KIF1B: variants seen among roughly 807,000 people sequenced by gnomAD.
KIF1B encodes kinesin family member 1B.
A neutral mutation model predicts 241.9 loss-of-function variants in KIF1B; 76 were observed. The observed-to-expected ratio is 0.31, with a 90% CI of 0.26 to 0.38. The LOEUF (loss-of-function observed/expected upper bound fraction) is 0.38. Among genes scored for constraint, KIF1B ranks in the 10% least tolerant of loss-of-function variants. The probability of loss-of-function intolerance (pLI) is 1.00; values close to 1 mark genes in which losing one functional copy is unlikely to be tolerated. For missense variants in KIF1B, 1,622 were observed against 2,271.4 expected (o/e 0.71, Z 5.81); for synonymous variants, 750 against 796.7 (o/e 0.94, Z 0.99).
chr1:10,356,667 C>T (rs1002109853), intron 38 of KIF1B, among the ~76,000 whole-genome samples: 4 of 152,006 alleles, frequency 2.6e-5, no homozygotes, highest in East Asian at 1.9e-4. Flanking sequence ...TTTGGGAGAC[C>T]GAGGCGGGCG....
intron 1 of KIF1B, chr1:10,211,718 AT>A (rs1026020690): frequency 1.4e-5 from 2 of 146,556 alleles, no homozygotes; most frequent in Non-Finnish European, 1.5e-5. Context: ...TTTTTCCTTG[AT>A]TGCTAAATGA....
At chr1:10,329,504 G>T (rs1379346639) in intron 27 of KIF1B, among the ~76,000 whole-genome samples, 1 of 152,186 alleles carries the variant, frequency 6.6e-6, no homozygotes, top group Non-Finnish European at 1.5e-5. Flanking sequence ...GGAGGCCGAG[G>T]TGGGCAGATC....
chr1:10,324,659 T>C (rs1341977046), intron 25 of KIF1B, 99 bp from the exon 26 acceptor site: 2 of 1,446,590 alleles, frequency 1.4e-6, no homozygotes, highest in Admixed American at 3.5e-5. Context: ...ACTCCTTTTT[T>C]TTTTTTTGAA....
chr1:10,239,464 A>G (rs900627580), intron 2 of KIF1B, among the ~76,000 whole-genome samples: 1 of 151,960 alleles, frequency 6.6e-6, no homozygotes, highest in African/African-American at 2.4e-5. Flanking sequence ...AACTTTTGAA[A>G]TTTTGTAATA....
At chr1:10,295,847 T>A (rs1650237289) in intron 19 of KIF1B, 81 bp downstream of exon 19, 1 of 1,184,984 alleles carries the variant, frequency 8.4e-7, no homozygotes, top group African/African-American at 1.5e-5. Flanking sequence ...GTATTCTCTG[T>A]CTATCAGTAG....
intron 1 of KIF1B, among the ~76,000 whole-genome samples, chr1:10,225,661 G>C (rs1646900091): frequency 6.6e-6 from 1 of 152,202 alleles, no homozygotes; most frequent in Non-Finnish European, 1.5e-5. Flanking sequence ...AAAGGACACA[G>C]TGGGGAAAGG....
intron 1 of KIF1B, among the ~76,000 whole-genome samples, chr1:10,212,923 T>TATATATAC (rs1557638451): frequency 1.7e-5 from 2 of 119,676 alleles, no homozygotes. Context: ...TATATATATA[T>TATATATAC]ATATATATAC....
intron 15 of KIF1B, 119 bp downstream of exon 15, chr1:10,282,652 T>C (rs1468292502): frequency 1.2e-6 from 1 of 860,366 alleles, no homozygotes; most frequent in African/African-American, 1.7e-5. Context: ...CTCTTAGAAG[T>C]GTCCTGAAAA....
At chr1:10,266,686 G>A in intron 5 of KIF1B, among the ~76,000 whole-genome samples, 2 of 152,122 alleles carry the variant, frequency 1.3e-5, no homozygotes, top group East Asian at 3.8e-4. Context: ...CCGAGTTCTT[G>A]GAGTAACCTC....
intron 31 of KIF1B, among the ~76,000 whole-genome samples, chr1:10,339,467 GC>G (rs1250007138): frequency 6.6e-6 from 1 of 152,148 alleles, no homozygotes; most frequent in Non-Finnish European, 1.5e-5. Flanking sequence ...TTAGTAAAAA[GC>G]TTTTACAAAG....
chr1:10,340,831 G>A (rs1221174824), intron 32 of KIF1B, among the ~76,000 whole-genome samples: 1 of 152,176 alleles, frequency 6.6e-6, no homozygotes, highest in Non-Finnish European at 1.5e-5. Flanking sequence ...TGTTACAAGA[G>A]GCAGAGATAG....
At chr1:10,361,077 A>G (rs759459301) in intron 39 of KIF1B, 34 bp downstream of exon 39, 3 of 1,341,982 alleles carry the variant, frequency 2.2e-6, no homozygotes, top group Non-Finnish European at 1.1e-6. Flanking sequence ...TGATGCCAAC[A>G]GTCAGCCCTG....
chr1:10,304,099 T>C, intron 22 of KIF1B: 1 of 1,614,058 alleles, frequency 6.2e-7, no homozygotes, highest in Non-Finnish European at 8.5e-7. Flanking sequence ...CAGAAACTCT[T>C]GGAGTCCTGG....
intron 27 of KIF1B, among the ~76,000 whole-genome samples, chr1:10,329,731 C>G (rs1475722000): frequency 1.5e-5 from 2 of 132,716 alleles, no homozygotes; most frequent in Non-Finnish European, 3.3e-5. Flanking sequence ...AAGACTCTGT[C>G]TAGGGGGAAA....
At position 10,378,098 on chromosome 1, in the gene KIF1B, C is replaced by T. The variant is rs1638934100; in HGVS notation, c.*1511C>T. 5 of 463,614 alleles carry T rather than the reference C, an allele frequency of 1.1e-5. No individual in the cohort carries two copies. Among genetic ancestry groups the T allele is most frequent in the South Asian group, 6.7e-5 (2 of 29,804 alleles). The allele number at this position is 463,614 out of a possible 1,614,324, so 28.7% of individuals were successfully genotyped here. ...CAGGTTGAAGATGCTTTCAGTGATG[C>T]TCTCTATACTCATAAATAAGCAAAT... On this transcript the variant is annotated 3_prime_UTR_variant, in exon 49 of 49. Coordinates refer to ENST00000676179, the MANE Select transcript of KIF1B (RefSeq NM_001365951.3).
chr1:10,304,864 A>G (rs1557702413), intron 22 of KIF1B: 3 of 1,403,664 alleles, frequency 2.1e-6, no homozygotes, highest in Non-Finnish European at 2.8e-6. Flanking sequence ...TGGATAAAGC[A>G]TCAAGAACTC....
intron 7 of KIF1B, 133 bp from the exon 8 acceptor site, chr1:10,271,369 G>A: frequency 1.3e-6 from 1 of 750,150 alleles, no homozygotes; most frequent in East Asian, 2.5e-5. Flanking sequence ...ATCTTTTTGT[G>A]CCATATTTAA....
chr1:10,279,083 C>T lies in KIF1B; in HGVS notation c.1181-14C>T. ...TTTGACCCTTCTCGTATTTTCCCTC[C>T]TGCTTACCTTCAGTTGATCCATTGA... On this transcript the variant is annotated splice_polypyrimidine_tract_variant and intron_variant, in intron 13 of 48. Coordinates refer to ENST00000676179, the MANE Select transcript of KIF1B (RefSeq NM_001365951.3). The T allele has an allele frequency of 6.5e-7, 1 of 1,543,372 alleles. No individual in the cohort carries two copies. Among genetic ancestry groups the T allele is most frequent in the Non-Finnish European group, 8.8e-7 (1 of 1,140,534 alleles).
At chr1:10,223,083 C>A (rs2102106531) in intron 1 of KIF1B, among the ~76,000 whole-genome samples, 1 of 152,106 alleles carries the variant, frequency 6.6e-6, no homozygotes, top group Non-Finnish European at 1.5e-5. Context: ...GAAACTCTGT[C>A]TCTACTAAAA....
Sources: gnomAD v4.1 joint callset for allele counts (sites outside exome capture counted in the v4.1 genomes callset) on GRCh38, gnomAD v4.1.1 for gene constraint, MANE v1.5 for transcripts, NCBI Gene and HGNC (gene_info 2026-07-23, HGNC 2026-07-21) for gene names.